Variants in IQSEC2 observed in about 807,000 individuals in gnomAD.
IQSEC2 encodes the protein IQ motif and SEC7 domain-containing protein 2.
In IQSEC2, 6 loss-of-function variants were observed where a neutral mutation model predicts 74.6. That is an observed-to-expected ratio of 0.08 (90% CI 0.04 to 0.16). The LOEUF (loss-of-function observed/expected upper bound fraction) is 0.16, where lower values mean the gene tolerates loss of function less well. IQSEC2 is among the 10% of genes least tolerant of loss of function. The pLI is 1.00. For synonymous variants in IQSEC2, 494 were observed against 544.5 expected (o/e 0.91, Z 1.29); for missense variants, 734 against 1,306.2 (o/e 0.56, Z 6.75).
At chrX:53,268,941 A>T (rs2074699412) in intron 2 of IQSEC2, among the ~76,000 whole-genome samples, 1 of 112,260 alleles carries the variant, frequency 8.9e-6, no homozygotes, top group African/African-American at 3.2e-5. Context: ...AGTGGGACTA[A>T]AGGAATTCAA....
At chrX:53,256,868 C>T (rs1366376299) in intron 2 of IQSEC2, among the ~76,000 whole-genome samples, 2 of 112,470 alleles carry the variant, frequency 1.8e-5, no homozygotes, top group Non-Finnish European at 3.8e-5. Flanking sequence ...AGTCTCCACG[C>T]GTGGCAGGAG....
chrX:53,248,043 A>C (rs1417576879), intron 7 of IQSEC2, 71 bp downstream of exon 7: 8 of 1,140,598 alleles, frequency 7.0e-6, no homozygotes, highest in Non-Finnish European at 9.6e-6. Flanking sequence ...CAGAGAAGTG[A>C]CTTATAAACA....
chrX:53,240,000 C>T (rs1034631572), intron 10 of IQSEC2, among the ~76,000 whole-genome samples: 37 of 111,978 alleles, frequency 3.3e-4, no homozygotes, highest in Admixed American at 3.1e-3. Context: ...CTGGCATACC[C>T]AGTGCCTAGC....
At chrX:53,264,809 T>C (rs1451680362) in intron 2 of IQSEC2, among the ~76,000 whole-genome samples, 1 of 109,744 alleles carries the variant, frequency 9.1e-6, no homozygotes, top group African/African-American at 3.3e-5. Flanking sequence ...ACTGAAGCCG[T>C]TCCTGTCCAA....
At chrX:53,267,921 C>G (rs1282911869) in intron 2 of IQSEC2, among the ~76,000 whole-genome samples, 1 of 112,115 alleles carries the variant, frequency 8.9e-6, no homozygotes, top group Non-Finnish European at 1.9e-5. Flanking sequence ...GTTAACTACT[C>G]GTGAGCTGAA....
chrX:53,256,406 T>C (rs1296637862), intron 2 of IQSEC2, among the ~76,000 whole-genome samples: 1 of 110,455 alleles, frequency 9.1e-6, no homozygotes, highest in African/African-American at 3.3e-5. Flanking sequence ...CCCTTTCTTC[T>C]GCCCCCTCAC....
At chrX:53,264,924 TAA>T (rs373926213) in intron 2 of IQSEC2, among the ~76,000 whole-genome samples, 2 of 96,286 alleles carry the variant, frequency 2.1e-5, no homozygotes, top group African/African-American at 7.5e-5. Context: ...CTGTCATGCT[TAA>T]AAAAAAAAAA....
intron 2 of IQSEC2, among the ~76,000 whole-genome samples, chrX:53,267,820 G>A (rs889401105): frequency 2.7e-5 from 3 of 111,929 alleles, no homozygotes; most frequent in Non-Finnish European, 3.8e-5. Context: ...AATGGGGCTC[G>A]TGATGTGAAC....
intron 2 of IQSEC2, chrX:53,279,672 AAGAGACAGAG>A (rs782206892): frequency 2.6e-5 from 28 of 1,066,612 alleles, no homozygotes; most frequent in Non-Finnish European, 3.4e-5. Context: ...GAGAGACAGC[AAGAGACAGAG>A]AGAGACAGAG....
intron 11 of IQSEC2, 38 bp from the exon 12 acceptor site, chrX:53,238,344 C>T (rs1480612148): frequency 8.5e-7 from 1 of 1,172,812 alleles, no homozygotes; most frequent in Non-Finnish European, 1.2e-6. Flanking sequence ...TCTGTTGGGA[C>T]TGGTGCAAGG....
At chrX:53,273,181 G>T (rs1184773220) in intron 2 of IQSEC2, among the ~76,000 whole-genome samples, 1 of 109,192 alleles carries the variant, frequency 9.2e-6, no homozygotes, top group African/African-American at 3.3e-5. Context: ...GACCATTTCT[G>T]GTGGAGGAAG....
At chrX:53,297,248 T>C (rs1451096299) in intron 1 of IQSEC2, among the ~76,000 whole-genome samples, 1 of 111,681 alleles carries the variant, frequency 9.0e-6, no homozygotes, top group Non-Finnish European at 1.9e-5. Flanking sequence ...GCATGGATAC[T>C]AATAATGGAT....
intron 1 of IQSEC2, among the ~76,000 whole-genome samples, chrX:53,298,658 T>C (rs1319022865): frequency 9.0e-6 from 1 of 111,438 alleles, no homozygotes; most frequent in Non-Finnish European, 1.9e-5. Flanking sequence ...TTGTATTATG[T>C]CTTTGAGAAT....
chrX:53,306,052 C>T (rs1209778203), intron 1 of IQSEC2, among the ~76,000 whole-genome samples: 1 of 112,759 alleles, frequency 8.9e-6, no homozygotes, highest in Admixed American at 9.3e-5. Flanking sequence ...GCCTTCTCTC[C>T]TCTCTCTGCT....
chrX:53,279,530 G>A (rs1457899847), intron 2 of IQSEC2: 9 of 887,897 alleles, frequency 1.0e-5, no homozygotes, highest in African/African-American at 2.0e-5. Context: ...CTGGAAGGAG[G>A]AGGAATTGGG....
At chrX:53,288,967 C>T (rs1285416781) in intron 2 of IQSEC2, among the ~76,000 whole-genome samples, 6 of 108,799 alleles carry the variant, frequency 5.5e-5, no homozygotes, top group African/African-American at 2.0e-4. Context: ...CTACCCCCCA[C>T]CCCCATCACC....
In IQSEC2 at chrX:53,234,609, G is replaced by A. The variant is rs1556859076; in HGVS notation, c.4077C>T (p.His1359=). The change falls in exon 15 of 15, where the codon CAC becomes CAT. Residue 1359 remains histidine (H), a synonymous_variant. Transcript: ENST00000642864. ...GTGGGGATGTGGGCTGGTGCAGGGG[G>A]TGGCGGCCATGTGGAGCAAACTGAG... ...GHPQFAPHGR[H]PLHQPTSPLP... 1.8e-6 allele frequency: 2 copies of A among 1,133,392 alleles called. No individual in the cohort carries two copies. Among genetic ancestry groups the A allele is most frequent in the South Asian group, 2.1e-5 (1 of 46,711 alleles). 93.4% of individuals were successfully genotyped at this position (1,133,392 alleles called of 1,213,427 possible).
chrX:53,309,558 G>T (rs782270442), intron 1 of IQSEC2, among the ~76,000 whole-genome samples: 1 of 111,262 alleles, frequency 9.0e-6, no homozygotes. Flanking sequence ...GGCGGGTGAC[G>T]GGTTGGCCCC....
intron 1 of IQSEC2, among the ~76,000 whole-genome samples, chrX:53,304,006 G>A (rs1301708814): frequency 9.2e-6 from 1 of 109,153 alleles, no homozygotes; most frequent in East Asian, 2.9e-4. Context: ...TGGTGGGCGC[G>A]GTGCCTGTAA....
Sources: gnomAD v4.1 joint callset for allele counts (sites outside exome capture counted in the v4.1 genomes callset) on GRCh38, gnomAD v4.1.1 for gene constraint, MANE v1.5 for transcripts, NCBI Gene and HGNC (gene_info 2026-07-23, HGNC 2026-07-21) for gene names.